Variants in CFAP299 observed in about 807,000 individuals in gnomAD.
The protein encoded by CFAP299 is cilia and flagella associated protein 299.
In CFAP299, 21 loss-of-function variants were observed where a neutral mutation model predicts 27.0. That is an observed-to-expected ratio of 0.78 (90% CI 0.55 to 1.12). The LOEUF (loss-of-function observed/expected upper bound fraction) is 1.12. Among genes scored for constraint, CFAP299 ranks in the 50% most tolerant of loss-of-function variants. CFAP299 has a pLI of 0.00. For missense variants in CFAP299, 310 were observed against 276.6 expected, an observed-to-expected ratio of 1.12 and a Z score of -0.86; for synonymous variants, 104 against 98.1, an observed-to-expected ratio of 1.06 and a Z score of -0.36.
chr4:80,688,356 A>AGAC lies in CFAP299; in HGVS notation c.333+105173_333+105174insGAC, dbSNP rs544227963. 2.6e-4 allele frequency among the ~76,000 whole-genome samples: 40 copies of AGAC among 152,148 alleles called. No individual in the cohort carries two copies. In the East Asian group the frequency reaches 3.5e-3, roughly 13 times the overall value. On this transcript the variant is annotated intron_variant, in intron 3 of 5. Coordinates refer to ENST00000358105, the MANE Select transcript of CFAP299 (RefSeq NM_152770.3). ...AGCTGGAGATCTGAGAACGGGCAGAATGCCTCCTCAAGTGGGTCCCTGACC... is the reference window on the plus strand; with the variant it reads ...AGCTGGAGATCTGAGAACGGGCAGAAGACTGCCTCCTCAAGTGGGTCCCTGACC...
intron 3 of CFAP299, among the ~76,000 whole-genome samples, chr4:80,597,415 T>A (rs1226111178): frequency 2.0e-5 from 3 of 152,178 alleles, no homozygotes; most frequent in Middle Eastern, 3.2e-3. Flanking sequence ...GTATCTTTTG[T>A]CTTTTTCTTA....
intron 3 of CFAP299, among the ~76,000 whole-genome samples, chr4:80,810,243 G>C (rs28477420): frequency 0.036 from 5,391 of 151,758 alleles, 133 homozygotes; most frequent in Middle Eastern, 0.072. Context: ...ATTCATATTT[G>C]TTAACGTTCC....
At chr4:80,908,060 A>T (rs1234528010) in intron 4 of CFAP299, among the ~76,000 whole-genome samples, 24 of 152,248 alleles carry the variant, frequency 1.6e-4, no homozygotes, top group Admixed American at 1.6e-3. Context: ...CCTGAGATTA[A>T]CAAGCAAGTG....
At chr4:80,394,990 A>G (rs1005977220) in intron 2 of CFAP299, among the ~76,000 whole-genome samples, 13 of 152,212 alleles carry the variant, frequency 8.5e-5, no homozygotes, top group African/African-American at 2.9e-4. Context: ...GAAAGTTTGT[A>G]TAGAATTTGT....
intron 3 of CFAP299, among the ~76,000 whole-genome samples, chr4:80,852,490 C>A (rs980703405): frequency 1.3e-5 from 2 of 152,000 alleles, no homozygotes; most frequent in Non-Finnish European, 2.9e-5. Context: ...TAAGATAAAT[C>A]AAAAAGAGAA....
chr4:80,517,933 AAC>A (rs1732667422), intron 2 of CFAP299, among the ~76,000 whole-genome samples: 1 of 152,164 alleles, frequency 6.6e-6, no homozygotes. Flanking sequence ...AGCATTAAGA[AAC>A]TGGGTGCCTT....
At chr4:80,506,697 C>T (rs902413433) in intron 2 of CFAP299, among the ~76,000 whole-genome samples, 3 of 152,134 alleles carry the variant, frequency 2.0e-5, no homozygotes, top group African/African-American at 7.2e-5. Flanking sequence ...TCCTTCAAAA[C>T]ATCTCAGCTC....
intron 3 of CFAP299, among the ~76,000 whole-genome samples, chr4:80,795,082 C>T (rs374155872): frequency 2.0e-4 from 30 of 152,122 alleles, no homozygotes; most frequent in East Asian, 5.8e-4. Context: ...GTCCACAGAA[C>T]GGGGCATGCT....
At position 80,963,637 on chromosome 4, in the gene CFAP299, A is replaced by T; in HGVS notation, c.*25A>T. The T allele has an allele frequency of 6.8e-7, 1 of 1,461,162 alleles. No homozygotes were observed. The highest frequency in any genetic ancestry group is 9.5e-7 in the Non-Finnish European group (1 of 1,053,584). The allele number at this position is 1,461,162 out of a possible 1,614,324, so 90.5% of individuals were successfully genotyped here. A position where few individuals can be genotyped will look rare whatever the true frequency, so the allele number is the denominator to read the frequency against. Reference sequence around the variant, plus strand: ...AGTACCAACATGTTAATTTCCTAATAATTTGCTAAATTTAAATAAATTCCG... The same window carrying T: ...AGTACCAACATGTTAATTTCCTAATTATTTGCTAAATTTAAATAAATTCCG... On this transcript the variant is annotated 3_prime_UTR_variant, in exon 6 of 6. Coordinates refer to ENST00000358105, the MANE Select transcript of CFAP299 (RefSeq NM_152770.3).
intron 3 of CFAP299, among the ~76,000 whole-genome samples, chr4:80,629,110 A>C (rs752556436): frequency 6.6e-6 from 1 of 152,310 alleles, no homozygotes; most frequent in African/African-American, 2.4e-5. Flanking sequence ...ATGTGGACAC[A>C]ATGGAATACT....
chr4:80,382,401 C>T (rs541817259), intron 2 of CFAP299, among the ~76,000 whole-genome samples: 40 of 152,260 alleles, frequency 2.6e-4, no homozygotes, highest in Middle Eastern at 3.4e-3. Context: ...AGTAAGCAGA[C>T]AACCTACAGA....
chr4:80,395,548 A>G (rs1375113188), intron 2 of CFAP299, among the ~76,000 whole-genome samples: 1 of 152,102 alleles, frequency 6.6e-6, no homozygotes, highest in Non-Finnish European at 1.5e-5. Flanking sequence ...TTTCTTCTAT[A>G]CCAAACTTGT....
chr4:80,486,982 A>G (rs1441561583), intron 2 of CFAP299, among the ~76,000 whole-genome samples: 1 of 152,202 alleles, frequency 6.6e-6, no homozygotes, highest in African/African-American at 2.4e-5. Context: ...TTTGTGCTAG[A>G]AGCCAGCCAG....
At chr4:80,571,657 G>A (rs1735586126) in intron 2 of CFAP299, among the ~76,000 whole-genome samples, 1 of 151,856 alleles carries the variant, frequency 6.6e-6, no homozygotes, top group Non-Finnish European at 1.5e-5. Flanking sequence ...TGGAGACTGA[G>A]GCTTTGGGAG....
intron 3 of CFAP299, among the ~76,000 whole-genome samples, chr4:80,804,789 T>A (rs1728781537): frequency 6.6e-6 from 1 of 152,164 alleles, no homozygotes; most frequent in East Asian, 1.9e-4. Flanking sequence ...GTTTTACAGA[T>A]AGGATTAATT....
At chr4:80,900,512 G>C (rs1734835085) in intron 4 of CFAP299, among the ~76,000 whole-genome samples, 1 of 152,036 alleles carries the variant, frequency 6.6e-6, no homozygotes, top group South Asian at 2.1e-4. Context: ...TCAGTAACTG[G>C]ATTAATACGT....
At chr4:80,774,930 G>A (rs1386969893) in intron 3 of CFAP299, among the ~76,000 whole-genome samples, 1 of 151,902 alleles carries the variant, frequency 6.6e-6, no homozygotes, top group Non-Finnish European at 1.5e-5. Context: ...AAAAAATAGT[G>A]CTTACATTTG....
In CFAP299 at chr4:80,793,094, TAGTTATG is replaced by T. The variant is rs1481215780; in HGVS notation, c.334-76898_334-76892del. Among the ~76,000 whole-genome samples the T allele has an allele frequency of 2.0e-5, 3 of 146,960 alleles. No homozygotes were observed. In the East Asian group the frequency reaches 5.9e-4, roughly 29 times the overall value. On this transcript the variant is annotated intron_variant, in intron 3 of 5. Coordinates refer to ENST00000358105, the MANE Select transcript of CFAP299 (RefSeq NM_152770.3). ...AACTAATAGGATATTTATATCCTAT[TAGTTATG>T]TGTGTGTGTGTGTGTGTGTGTGTGT...
At chr4:80,663,201 C>T (rs889415562) in intron 3 of CFAP299, among the ~76,000 whole-genome samples, 1 of 151,932 alleles carries the variant, frequency 6.6e-6, no homozygotes, top group Non-Finnish European at 1.5e-5. Context: ...TTGTTACATA[C>T]GTATACACGT....
Sources: gnomAD v4.1 joint callset for allele counts (sites outside exome capture counted in the v4.1 genomes callset) on GRCh38, gnomAD v4.1.1 for gene constraint, MANE v1.5 for transcripts, NCBI Gene and HGNC (gene_info 2026-07-23, HGNC 2026-07-21) for gene names.